SLC28A1: variants seen among roughly 807,000 people sequenced by gnomAD.
The protein encoded by SLC28A1 is solute carrier family 28 member 1.
Under a neutral mutation model 74.8 loss-of-function variants are expected in SLC28A1, and 64 were observed. The observed-to-expected ratio is 0.86, with a 90% CI of 0.70 to 1.05. The LOEUF (loss-of-function observed/expected upper bound fraction) is 1.05. Among genes scored for constraint, SLC28A1 ranks in the 50% least tolerant of loss-of-function variants. The probability of loss-of-function intolerance (pLI) is 0.00; values close to 1 mark genes in which losing one functional copy is unlikely to be tolerated. For missense variants in SLC28A1, 828 were observed against 822.8 expected (o/e 1.01, Z -0.08); for synonymous variants, 359 against 335.0 (o/e 1.07, Z -0.78).
At chr15:84,911,877 AG>A (rs68089883) in intron 9 of SLC28A1, among the ~76,000 whole-genome samples, 14,304 of 117,164 alleles carry the variant, frequency 0.12, 917 homozygotes, top group Non-Finnish European at 0.16. Context: ...AAAAAAAAAA[AG>A]AAGAAGAAGA....
At chr15:84,919,685 T>A (rs1460415497) in intron 10 of SLC28A1, among the ~76,000 whole-genome samples, 2 of 152,190 alleles carry the variant, frequency 1.3e-5, no homozygotes, top group African/African-American at 4.8e-5. Flanking sequence ...AAACTACTCC[T>A]GCAATAACAG....
chr15:84,924,227 T>A, intron 12 of SLC28A1, 117 bp downstream of exon 12: 4 of 1,266,912 alleles, frequency 3.2e-6, no homozygotes, highest in Non-Finnish European at 4.6e-6. Flanking sequence ...GGGCCTGCTG[T>A]GCTGGCAAGA....
chr15:84,915,961 CTTA>C (rs537369940), intron 9 of SLC28A1, among the ~76,000 whole-genome samples: 7 of 151,132 alleles, frequency 4.6e-5, no homozygotes, highest in African/African-American at 1.5e-4. Context: ...TGTTCTTCTT[CTTA>C]TTATTATTAT....
chr15:84,888,541 G>A (rs1474965081), intron 3 of SLC28A1, among the ~76,000 whole-genome samples: 1 of 152,188 alleles, frequency 6.6e-6, no homozygotes, highest in Non-Finnish European at 1.5e-5. Context: ...GTCTGTCCCT[G>A]CGCAGACCAT....
Position 84,886,167 on chromosome 15 carries a change from T to G in SLC28A1, c.-132-505T>G, listed in dbSNP as rs1032991081. ...TAACAAAGATGAAATGAAGGGGAAATGGTGTGATTTGGTTTTGTTTTCTTG... is the reference window on the plus strand; with the variant it reads ...TAACAAAGATGAAATGAAGGGGAAAGGGTGTGATTTGGTTTTGTTTTCTTG... On this transcript the variant is annotated intron_variant, in intron 1 of 18. Transcript: ENST00000394573. 3.2e-5 allele frequency: 32 copies of G among 985,160 alleles called. No homozygotes were observed. In the African/African-American group the frequency reaches 5.1e-4, roughly 16 times the overall value. The allele number at this position is 985,160 out of a possible 1,614,324, so 61.0% of individuals were successfully genotyped here. A position where few individuals can be genotyped will look rare whatever the true frequency, so the allele number is the denominator to read the frequency against.
chr15:84,940,743 T>C (rs908862960), intron 15 of SLC28A1: 1 of 174,670 alleles, frequency 5.7e-6, no homozygotes, highest in African/African-American at 2.4e-5. Flanking sequence ...TAACCACATC[T>C]CTCCTACTTT....
the SLC28A1 span, among the ~76,000 whole-genome samples, chr15:84,965,124 G>A: frequency 6.6e-5 from 10 of 152,148 alleles, no homozygotes; most frequent in Non-Finnish European, 2.9e-5. Flanking sequence ...TGAGTATTGG[G>A]GGTGGTTACC....
Position 84,905,585 on chromosome 15 carries a change from T to C in SLC28A1, c.650T>C (p.Leu217Pro), listed in dbSNP as rs768202583. The change falls in exon 8 of 19, where the codon CTT becomes CCT. Residue 217 changes from leucine (L) to proline (P), a missense_variant. Physicochemically the swap from Leu to Pro is moderately conservative, Grantham distance 98. Around this residue, in one of 3 missense-constraint regions of SLC28A1, gnomAD observed 767 missense variants for 753.5 expected, o/e 1.02. Coordinates refer to ENST00000394573, the MANE Select transcript of SLC28A1 (RefSeq NM_004213.5). Reference sequence around the variant, plus strand: ...TGGGGACTTGGACTGCAGTTTGTACTTGGACTCCTCGTCATCAGAACAGAA... The same window carrying C: ...TGGGGACTTGGACTGCAGTTTGTACCTGGACTCCTCGTCATCAGAACAGAA... Reference protein sequence around the residue: ...VSWGLGLQFVLGLLVIRTEPG... With the variant: ...VSWGLGLQFVPGLLVIRTEPG... 2 of 1,614,150 alleles carry C rather than the reference T, an allele frequency of 1.2e-6. No individual in the cohort carries two copies. The highest frequency in any genetic ancestry group is 8.5e-7 in the Non-Finnish European group (1 of 1,179,990).
the SLC28A1 span, among the ~76,000 whole-genome samples, chr15:84,974,473 C>T: frequency 6.6e-6 from 1 of 152,210 alleles, no homozygotes; most frequent in African/African-American, 2.4e-5. Context: ...CCTCTCCAAT[C>T]AAGTAACGAT....
At chr15:84,909,959 A>G (rs1485719535) in intron 9 of SLC28A1, among the ~76,000 whole-genome samples, 1 of 152,206 alleles carries the variant, frequency 6.6e-6, no homozygotes, top group Non-Finnish European at 1.5e-5. Flanking sequence ...GGCCCAAGCC[A>G]TGGACTTAGC....
rs1243981969 is a variant in SLC28A1 at position 84,944,667 on chromosome 15, G to A, written c.1762+3G>A. The A allele has an allele frequency of 1.9e-6, 3 of 1,611,666 alleles. No homozygotes were observed. Among genetic ancestry groups the A allele is most frequent in the Non-Finnish European group, 2.5e-6 (3 of 1,177,700 alleles). On this transcript the variant is annotated splice_donor_region_variant and intron_variant, in intron 17 of 18. Coordinates refer to ENST00000394573, the MANE Select transcript of SLC28A1 (RefSeq NM_004213.5). ...CCTGGTGAACGCCTGTATGGCAGGT[G>A]AGTGCAGGCCTGGCAGGCTCAGAAG...
intron 16 of SLC28A1, among the ~76,000 whole-genome samples, chr15:84,943,858 C>A (rs963365020): frequency 2.6e-5 from 4 of 151,750 alleles, no homozygotes; most frequent in Admixed American, 1.3e-4. Flanking sequence ...GAGCTGAGAT[C>A]GCACCACTGC....
intron 9 of SLC28A1, among the ~76,000 whole-genome samples, chr15:84,911,858 CAAA>C (rs57067372): frequency 0.023 from 2,604 of 114,576 alleles, 22 homozygotes; most frequent in Middle Eastern, 0.035. Context: ...GACTCCATCT[CAAA>C]AAAAAAAAAA....
chr15:84,927,055 C>G (rs540124909), intron 12 of SLC28A1, among the ~76,000 whole-genome samples: 24 of 152,272 alleles, frequency 1.6e-4, no homozygotes, highest in African/African-American at 5.5e-4. Context: ...TCCCCTTGGG[C>G]TCAGGGGCTT....
At chr15:84,914,229 C>T (rs149657909) in intron 9 of SLC28A1, among the ~76,000 whole-genome samples, 3,898 of 152,300 alleles carry the variant, frequency 0.026, 166 homozygotes, top group African/African-American at 0.087. Flanking sequence ...GGATTACAGG[C>T]GTGAGCCACT....
chr15:84,901,097 C>G (rs1596243855), intron 6 of SLC28A1, among the ~76,000 whole-genome samples: 1 of 152,296 alleles, frequency 6.6e-6, no homozygotes, highest in South Asian at 2.1e-4. Context: ...TGGCGCACAC[C>G]TGTAGTCCCA....
At chr15:84,938,880 G>A (rs1049925740) in intron 15 of SLC28A1, among the ~76,000 whole-genome samples, 6 of 152,216 alleles carry the variant, frequency 3.9e-5, no homozygotes, top group African/African-American at 1.4e-4. Flanking sequence ...ACATTCCAAA[G>A]GAAGAGGCAT....
At chr15:84,969,242 A>C in the SLC28A1 span, among the ~76,000 whole-genome samples, 2 of 152,154 alleles carry the variant, frequency 1.3e-5, no homozygotes, top group African/African-American at 2.4e-5. Flanking sequence ...AACCAGGAGA[A>C]TTGCTGAGGT....
chr15:84,973,042 CATGGCTGACAAGGCCCT>C, the SLC28A1 span, among the ~76,000 whole-genome samples: 247 of 150,584 alleles, frequency 1.6e-3, 1 homozygote, highest in African/African-American at 6.1e-3. Context: ...AAGTCCTTGT[CATGGCTGACAAGGCCCT>C]GCATGGTCTG....
Sources: gnomAD v4.1 joint callset for allele counts (sites outside exome capture counted in the v4.1 genomes callset) on GRCh38, gnomAD v4.1.1 for gene constraint, gnomAD v4.1.1 regional missense constraint, MANE v1.5 for transcripts, NCBI Gene and HGNC (gene_info 2026-07-23, HGNC 2026-07-21) for gene names.